Variants in PDE4D observed in about 807,000 individuals in gnomAD.
The protein encoded by PDE4D is phosphodiesterase 4D, also known as 3',5'-cyclic-AMP phosphodiesterase 4D.
Under a neutral mutation model 87.4 loss-of-function variants are expected in PDE4D, and 24 were observed. The ratio of observed to expected loss-of-function variants is 0.27; its 90% confidence interval spans 0.20 to 0.39. PDE4D has a LOEUF of 0.39. PDE4D is among the 10% of genes least tolerant of loss of function. The pLI is 1.00. For synonymous variants in PDE4D, 384 were observed against 383.2 expected (o/e 1.00, Z -0.02); for missense variants, 714 against 1,041.0 (o/e 0.69, Z 4.32).
chr5:59,526,521 A>C (rs1272107960), intron 1 of PDE4D, among the ~76,000 whole-genome samples: 1 of 152,232 alleles, frequency 6.6e-6, no homozygotes, highest in Non-Finnish European at 1.5e-5. Context: ...TATTATCTAC[A>C]ACAATTACTG....
At chr5:60,325,039 A>G (rs1479735225) in intron 1 of PDE4D, among the ~76,000 whole-genome samples, 1 of 152,236 alleles carries the variant, frequency 6.6e-6, no homozygotes, top group African/African-American at 2.4e-5. Context: ...TATAAGTTAC[A>G]GCATTTCAAA....
intron 6 of PDE4D, among the ~76,000 whole-genome samples, chr5:59,033,334 C>G (rs947096259): frequency 1.3e-5 from 2 of 152,212 alleles, no homozygotes; most frequent in African/African-American, 4.8e-5. Context: ...TAAAGTGCTA[C>G]TGATCTCTCT....
intron 1 of PDE4D, among the ~76,000 whole-genome samples, chr5:59,831,296 C>T (rs1561732538): frequency 7.9e-6 from 1 of 127,370 alleles, no homozygotes. Context: ...TGAGGCCAGA[C>T]TTGCTGCCAC....
chr5:60,086,793 G>C (rs1582583531), intron 2 of PDE4D, among the ~76,000 whole-genome samples: 1 of 152,192 alleles, frequency 6.6e-6, no homozygotes, highest in Non-Finnish European at 1.5e-5. Flanking sequence ...TATCCCAGAG[G>C]GCTGATTGGA....
At chr5:59,746,930 CT>C (rs758720309) in intron 1 of PDE4D, among the ~76,000 whole-genome samples, 52 of 152,262 alleles carry the variant, frequency 3.4e-4, no homozygotes, top group Non-Finnish European at 6.3e-4. Context: ...CATCATTAAT[CT>C]GCTCCCCTCC....
intron 1 of PDE4D, among the ~76,000 whole-genome samples, chr5:59,376,382 C>T (rs1784738811): frequency 6.6e-6 from 1 of 152,124 alleles, no homozygotes; most frequent in South Asian, 2.1e-4. Context: ...CATTCCTACA[C>T]ACCAACAATA....
intron 5 of PDE4D, among the ~76,000 whole-genome samples, chr5:59,058,253 G>A (rs1762630723): frequency 6.6e-6 from 1 of 152,118 alleles, no homozygotes; most frequent in African/African-American, 2.4e-5. Flanking sequence ...ATATGAATAT[G>A]GTTGAGGGAG....
chr5:60,277,116 T>C (rs1751453874), intron 1 of PDE4D, among the ~76,000 whole-genome samples: 1 of 151,954 alleles, frequency 6.6e-6, no homozygotes, highest in African/African-American at 2.4e-5. Flanking sequence ...AACAATATTT[T>C]ATATACATAT....
chr5:59,046,586 G>A (rs1760745827), intron 5 of PDE4D, among the ~76,000 whole-genome samples: 1 of 151,786 alleles, frequency 6.6e-6, no homozygotes, highest in Non-Finnish European at 1.5e-5. Flanking sequence ...AAAGGAGTCA[G>A]CTTGGTCTAA....
At chr5:59,536,877 A>T (rs1815369680) in intron 1 of PDE4D, among the ~76,000 whole-genome samples, 1 of 152,216 alleles carries the variant, frequency 6.6e-6, no homozygotes, top group Non-Finnish European at 1.5e-5. Context: ...ATGAAATAAG[A>T]CTTCAGTTTT....
chr5:59,252,891 TAAAC>T (rs1760248565), intron 1 of PDE4D, among the ~76,000 whole-genome samples: 1 of 152,072 alleles, frequency 6.6e-6, no homozygotes, highest in Non-Finnish European at 1.5e-5. Context: ...GATCCAGAAA[TAAAC>T]AAATACCCAA....
At chr5:59,702,577 T>A (rs1461163263) in intron 1 of PDE4D, among the ~76,000 whole-genome samples, 3 of 151,736 alleles carry the variant, frequency 2.0e-5, no homozygotes, top group East Asian at 1.9e-4. Context: ...ATGTTTCCCA[T>A]GGCCAGATGC....
chr5:59,728,250 A>T (rs1031253802), intron 1 of PDE4D, among the ~76,000 whole-genome samples: 3 of 152,138 alleles, frequency 2.0e-5, no homozygotes, highest in Non-Finnish European at 2.9e-5. Context: ...GGTAATATGA[A>T]CATAATATAA....
At chr5:59,200,581 C>A (rs148149778) in intron 2 of PDE4D, among the ~76,000 whole-genome samples, 8,867 of 23,420 alleles carry the variant, frequency 0.38, 896 homozygotes, top group Middle Eastern at 0.5. Flanking sequence ...GTATGTACAG[C>A]TACACGTATA....
intron 6 of PDE4D, among the ~76,000 whole-genome samples, chr5:58,995,202 A>G (rs1256525178): frequency 6.6e-6 from 1 of 152,162 alleles, no homozygotes; most frequent in East Asian, 1.9e-4. Context: ...TAAAATGTAC[A>G]TGTGCTATAG....
At chr5:60,099,415 T>A (rs1048435026) in intron 2 of PDE4D, among the ~76,000 whole-genome samples, 3 of 151,750 alleles carry the variant, frequency 2.0e-5, no homozygotes, top group Admixed American at 2.0e-4. Context: ...CTGAACAACA[T>A]GAAAATCAAA....
At chr5:59,044,457 T>G (rs981546955) in intron 5 of PDE4D, among the ~76,000 whole-genome samples, 3 of 152,258 alleles carry the variant, frequency 2.0e-5, no homozygotes, top group Non-Finnish European at 4.4e-5. Context: ...AAGGAATTGA[T>G]ACTGTCTACA....
At position 60,080,689 on chromosome 5, in the gene PDE4D, T is replaced by C. The variant is rs115689166; in HGVS notation, c.43-91972A>G. 4.3e-3 allele frequency among the ~76,000 whole-genome samples: 657 copies of C among 152,362 alleles called. 5 individuals carry two copies. Among genetic ancestry groups the C allele is most frequent in the African/African-American group, 0.015 (638 of 41,588 alleles). ...TTATGTCATGGATTACATGTATTGA[T>C]TTTCATATGTTGAACCAGCCTTGCA... On this transcript the variant is annotated intron_variant, in intron 2 of 16. Transcript: ENST00000502484.
chr5:59,867,903 T>C (rs1014559083), intron 1 of PDE4D, among the ~76,000 whole-genome samples: 7 of 152,136 alleles, frequency 4.6e-5, no homozygotes, highest in Non-Finnish European at 1.0e-4. Context: ...AGAGTAGCAG[T>C]TGCCTCCAGG....
Sources: gnomAD v4.1 joint callset for allele counts (sites outside exome capture counted in the v4.1 genomes callset) on GRCh38, gnomAD v4.1.1 for gene constraint, MANE v1.5 for transcripts, NCBI Gene and HGNC (gene_info 2026-07-23, HGNC 2026-07-21) for gene names.